Variants in PPP6C observed in about 807,000 individuals in gnomAD.
The protein encoded by PPP6C is serine/threonine-protein phosphatase 6 catalytic subunit.
PPP6C carries 11 observed loss-of-function variants against 39.8 expected under a neutral mutation model. The ratio of observed to expected loss-of-function variants is 0.28; its 90% CI spans 0.17 to 0.46. The LOEUF (loss-of-function observed/expected upper bound fraction) is 0.46, where lower values mean the gene tolerates loss of function less well. Ranked by LOEUF, PPP6C falls within the 20% of genes least tolerant of loss-of-function variation. The pLI, the probability that PPP6C is intolerant of heterozygous loss-of-function variation, is 1.00. For missense variants in PPP6C, 211 were observed against 373.9 expected, an observed-to-expected ratio of 0.56 and a Z score of 3.59; for synonymous variants, 129 against 130.3, an observed-to-expected ratio of 0.99 and a Z score of 0.07.
intron 4 of PPP6C, among the ~76,000 whole-genome samples, chr9:125,156,344 G>A (rs984537829): frequency 5.3e-5 from 8 of 152,268 alleles, no homozygotes; most frequent in African/African-American, 1.9e-4. Flanking sequence ...TGCAATCTCG[G>A]CTCACTGCAA....
In PPP6C at chr9:125,149,750, C is replaced by G. The variant is rs1313173491; in HGVS notation, c.841G>C (p.Glu281Gln). The G allele has an allele frequency of 6.2e-7, 1 of 1,614,126 alleles. No homozygotes were observed. Among genetic ancestry groups the G allele is most frequent in the South Asian group, 1.1e-5 (1 of 91,088 alleles). ...IMVFKDVNTR[E>Q]PKLFRAVPDS... Reference sequence around the variant, plus strand: ...GGAACTGCCCGGAATAACTTTGGTTCTCTTGTATTTACATCTTTGAAGACC... The same window carrying G: ...GGAACTGCCCGGAATAACTTTGGTTGTCTTGTATTTACATCTTTGAAGACC... Residue 281 changes from glutamate to glutamine, a missense_variant, in exon 7 of 7, where the codon GAA becomes CAA. Glu to Gln is a conservative substitution (Grantham distance 29). Transcript: ENST00000373547.
In PPP6C at chr9:125,149,435, C is replaced by G; in HGVS notation, c.*238G>C. ...GCAGTGTGAGTATTAAGACATTTCT[C>G]AAGTCTTCTCAAATGAGTCCAGGGT... On this transcript the variant is annotated 3_prime_UTR_variant, in exon 7 of 7. Coordinates refer to ENST00000373547, the MANE Select transcript of PPP6C (RefSeq NM_002721.5). 6.9e-6 allele frequency: 3 copies of G among 436,026 alleles called. No individual in the cohort carries two copies. The East Asian group carries it at 1.1e-4, about 16-fold the overall frequency. The allele number at this position is 436,026 out of a possible 1,614,324, so 27.0% of individuals were successfully genotyped here. A position where few individuals can be genotyped will look rare whatever the true frequency, so the allele number is the denominator to read the frequency against.
At chr9:125,157,522 CGT>C (rs1044370329) in intron 4 of PPP6C, among the ~76,000 whole-genome samples, 11 of 152,012 alleles carry the variant, frequency 7.2e-5, no homozygotes, top group African/African-American at 2.7e-4. Context: ...TTAGTGTGCA[CGT>C]GTTTGTACAT....
intron 4 of PPP6C, 24 bp downstream of exon 4, chr9:125,158,217 A>C: frequency 6.3e-7 from 1 of 1,575,046 alleles, no homozygotes; most frequent in Non-Finnish European, 8.7e-7. Flanking sequence ...TAATATTCAG[A>C]ATCAGAGAAA....
At chr9:125,151,070 A>C (rs961303305) in intron 6 of PPP6C, 2 of 1,331,110 alleles carry the variant, frequency 1.5e-6, no homozygotes, top group African/African-American at 2.9e-5. Context: ...AACCCAGTGG[A>C]CTATCTGTAT....
intron 6 of PPP6C, chr9:125,150,842 C>A: frequency 1.3e-6 from 1 of 778,700 alleles, no homozygotes; most frequent in South Asian, 1.3e-5. Context: ...AAATCAATGA[C>A]AATTTAATGG....
At chr9:125,150,746 G>A (rs2131295218) in intron 6 of PPP6C, 1 of 742,182 alleles carries the variant, frequency 1.3e-6, no homozygotes, top group East Asian at 3.9e-5. Flanking sequence ...CAGTGATTGA[G>A]AAATTCAGCA....
intron 1 of PPP6C, among the ~76,000 whole-genome samples, chr9:125,172,714 C>A (rs2131330555): frequency 1.5e-5 from 1 of 65,030 alleles, no homozygotes; most frequent in African/African-American, 4.6e-5. Context: ...GAACTGAATA[C>A]ACACAAACAC....
At chr9:125,166,467 T>C (rs556776568) in intron 2 of PPP6C, among the ~76,000 whole-genome samples, 4 of 151,888 alleles carry the variant, frequency 2.6e-5, no homozygotes, top group Non-Finnish European at 2.9e-5. Flanking sequence ...CAAGTAAAAA[T>C]AGTGTTCCAT....
chr9:125,167,389 A>AAAAAAAAAAAAAAAAAAAAAAAAAAG (rs1554722081), intron 2 of PPP6C, among the ~76,000 whole-genome samples: 2 of 138,050 alleles, frequency 1.4e-5, no homozygotes, highest in African/African-American at 5.5e-5. Flanking sequence ...CAAAAAAAAA[A>AAAAAAAAAAAAAAAAAAAAAAAAAAG]AAAAAAAAAA....
intron 1 of PPP6C, among the ~76,000 whole-genome samples, chr9:125,175,083 G>A (rs990322332): frequency 6.6e-6 from 1 of 151,272 alleles, no homozygotes; most frequent in Admixed American, 6.6e-5. Context: ...GTGGCAGGGC[G>A]CTGGTAATCC....
intron 2 of PPP6C, among the ~76,000 whole-genome samples, chr9:125,161,616 A>T (rs1391419139): frequency 6.6e-6 from 1 of 152,042 alleles, no homozygotes; most frequent in Non-Finnish European, 1.5e-5. Context: ...GCAAATTTTT[A>T]TAGAGACAGG....
chr9:125,186,071 A>G (rs965339772), intron 1 of PPP6C, among the ~76,000 whole-genome samples: 3 of 152,154 alleles, frequency 2.0e-5, no homozygotes, highest in South Asian at 2.1e-4. Flanking sequence ...AATCTGGAAC[A>G]TCGTATGCAT....
intron 1 of PPP6C, among the ~76,000 whole-genome samples, chr9:125,181,060 T>G (rs1829411426): frequency 6.6e-6 from 1 of 152,188 alleles, no homozygotes; most frequent in South Asian, 2.1e-4. Flanking sequence ...CCAAAGCTAT[T>G]GCCTCTCATC....
In PPP6C at chr9:125,171,170, T is replaced by TCA; in HGVS notation, c.84_85dup (p.Asp29ValfsTer9). The stretch of plus-strand genomic sequence containing the variant: ...TTCTAAGAGGAGGTCACAAACGTAG[T>TCA]CACATAGCCGCTATAAAAAGAGAAA... On this transcript the variant is annotated frameshift_variant, in exon 2 of 7. Coordinates refer to ENST00000373547, the MANE Select transcript of PPP6C (RefSeq NM_002721.5). LOFTEE classifies it high-confidence loss of function. The TCA allele has an allele frequency of 6.3e-7, 1 of 1,584,886 alleles. No homozygotes were observed. Among genetic ancestry groups the TCA allele is most frequent in the Non-Finnish European group, 8.6e-7 (1 of 1,159,594 alleles).
intron 1 of PPP6C, among the ~76,000 whole-genome samples, chr9:125,179,446 A>AT (rs1449966458): frequency 2.0e-5 from 3 of 151,888 alleles, no homozygotes; most frequent in Non-Finnish European, 4.4e-5. Flanking sequence ...TATGAATATA[A>AT]TTTTTTATTT....
chr9:125,177,508 G>A (rs559546336), intron 1 of PPP6C, among the ~76,000 whole-genome samples: 1 of 152,116 alleles, frequency 6.6e-6, no homozygotes, highest in South Asian at 2.1e-4. Context: ...ACCGCCCTCA[G>A]CAATATAGAG....
Position 125,171,476 on chromosome 9 carries a change from CACATATATATATATATATATATAT to C in PPP6C, c.76-320_76-297del, listed in dbSNP as rs1446641653. On this transcript the variant is annotated intron_variant, in intron 1 of 6. Coordinates refer to ENST00000373547, the MANE Select transcript of PPP6C (RefSeq NM_002721.5). ...ACACACATATACACACACACACACA[CACATATATATATATATATATATAT>C]ATATATATATATATATGAAGAAATA... Among the ~76,000 whole-genome samples, 8 of 57,180 alleles carry C rather than the reference CACATATATATATATATATATATAT, an allele frequency of 1.4e-4. 1 individual carries two copies. The South Asian group carries it at 4.0e-3, about 29-fold the overall frequency. 37.5% of individuals were successfully genotyped at this position (57,180 alleles called of 152,430 possible). A position where few individuals can be genotyped will look rare whatever the true frequency, so the allele number is the denominator to read the frequency against.
chr9:125,181,463 T>G (rs552083270), intron 1 of PPP6C, among the ~76,000 whole-genome samples: 117 of 152,258 alleles, frequency 7.7e-4, no homozygotes, highest in African/African-American at 2.7e-3. Context: ...TCGGTATTTC[T>G]CCTAATGATA....
Sources: allele counts gnomAD v4.1 joint callset (sites outside exome capture counted in the v4.1 genomes callset), GRCh38; gene constraint gnomAD v4.1.1; transcripts MANE v1.5; gene names NCBI Gene and HGNC (gene_info 2026-07-23, HGNC 2026-07-21).